CATSPERD: variants seen among roughly 807,000 people sequenced by gnomAD.
CATSPERD encodes the protein cation channel sperm-associated auxiliary subunit delta.
Under a neutral mutation model 98.1 loss-of-function variants are expected in CATSPERD, and 86 were observed. The ratio of observed to expected loss-of-function variants is 0.88; its 90% confidence interval spans 0.74 to 1.05. CATSPERD has a LOEUF of 1.05. Among genes scored for constraint, CATSPERD ranks in the 50% least tolerant of loss-of-function variants. CATSPERD has a pLI of 0.00. For missense variants in CATSPERD, 995 were observed against 1,005.7 expected (o/e 0.99, Z 0.14); for synonymous variants, 394 against 390.2 (o/e 1.01, Z -0.12).
chr19:5,759,044 G>A (rs2056382996), intron 14 of CATSPERD, 42 bp from the exon 15 acceptor site: 2 of 1,579,240 alleles, frequency 1.3e-6, no homozygotes, highest in South Asian at 1.1e-5. Context: ...TGCCCATGGT[G>A]TTCCACGGAT....
At chr19:5,773,210 G>T (rs2056683169) in intron 20 of CATSPERD, among the ~76,000 whole-genome samples, 1 of 152,132 alleles carries the variant, frequency 6.6e-6, no homozygotes, top group African/African-American at 2.4e-5. Flanking sequence ...AAATCAGTCG[G>T]GCATGGTGGC....
chr19:5,733,926 T>G lies in CATSPERD; in HGVS notation c.347T>G (p.Val116Gly). 1 of 1,610,856 alleles carries G rather than the reference T, an allele frequency of 6.2e-7. No individual in the cohort carries two copies. The highest frequency in any genetic ancestry group is 1.1e-5 in the South Asian group (1 of 90,344). The change falls in exon 5 of 22, where the codon GTC becomes GGC. Residue 116 changes from valine to glycine, a missense_variant. By Grantham distance (109) the Val-to-Gly change is moderately radical. Transcript: ENST00000381624. The part of the protein sequence containing the change: ...SLLLLVVDQK[V>G]YIYDYENNSW... The stretch of plus-strand genomic sequence containing the variant: ...TTGCTGTTAGTAGTGGATCAAAAAG[T>G]CTATATTTATGATTATGAAAATAAT...
At chr19:5,757,577 G>A (rs903725102) in intron 13 of CATSPERD, among the ~76,000 whole-genome samples, 17 of 150,090 alleles carry the variant, frequency 1.1e-4, no homozygotes, top group African/African-American at 3.4e-4. Context: ...AAGTACAGGC[G>A]TGAGCCACCG....
rs562037589 is a variant in CATSPERD, at chr19:5,745,479, G to A, written c.658-434G>A. ...GCTAAAAACACAAAAAAATTAGCCC[G>A]GCACGGTGTCAGGCACCTGTAATCA... On this transcript the variant is annotated intron_variant, in intron 8 of 21. Transcript: ENST00000381624. Among the ~76,000 whole-genome samples, 41 of 152,090 alleles carry A rather than the reference G, an allele frequency of 2.7e-4. 1 individual carries two copies. In the South Asian group the frequency reaches 6.6e-3, roughly 25 times the overall value.
intron 4 of CATSPERD, among the ~76,000 whole-genome samples, chr19:5,732,429 T>A (rs1295202530): frequency 6.7e-6 from 1 of 148,566 alleles, no homozygotes; most frequent in Non-Finnish European, 1.5e-5. Context: ...GTGTTTTTTG[T>A]TTGTTTGTTT....
chr19:5,770,430 C>CAAA (rs539340482), intron 18 of CATSPERD, among the ~76,000 whole-genome samples: 6 of 82,002 alleles, frequency 7.3e-5, no homozygotes, highest in South Asian at 3.9e-4. Flanking sequence ...AACTCCGTCT[C>CAAA]AAAAAAAAAA....
chr19:5,753,290 G>A (rs1317309604), intron 12 of CATSPERD, among the ~76,000 whole-genome samples: 3 of 152,074 alleles, frequency 2.0e-5, no homozygotes, highest in African/African-American at 7.2e-5. Context: ...GGCGGGCGCG[G>A]TGGCTCACGC....
intron 7 of CATSPERD, among the ~76,000 whole-genome samples, chr19:5,739,710 G>A (rs976779501): frequency 3.3e-5 from 5 of 151,724 alleles, no homozygotes; most frequent in East Asian, 1.9e-4. Context: ...GTGTGGTGGC[G>A]TGTGTTTTAG....
intron 20 of CATSPERD, chr19:5,775,318 A>T (rs1366957998): frequency 2.1e-6 from 1 of 470,752 alleles, no homozygotes; most frequent in Admixed American, 2.4e-5. Flanking sequence ...TCAAGCTTCC[A>T]CAGACCTGCG....
chr19:5,759,319 T>C (rs1242508520), intron 15 of CATSPERD, among the ~76,000 whole-genome samples, 175 bp downstream of exon 15: 2 of 151,850 alleles, frequency 1.3e-5, no homozygotes, highest in African/African-American at 4.8e-5. Flanking sequence ...CCCAGTACTT[T>C]GGGAGGCAGA....
chr19:5,776,315 G>C lies in CATSPERD; in HGVS notation c.2096G>C (p.Ser699Thr), dbSNP rs368004452. ...ATTTCGATCGTGGATCCGTACTACA[G>C]GTGAGTGGGCCCATCTGCCCCTACG... Reference protein sequence around the residue: ...FYISIVDPYYSYCQLETIFSI... With the variant: ...FYISIVDPYYTYCQLETIFSI... The change falls in exon 21 of 22, where the codon AGC becomes ACC. Residue 699 changes from serine (S) to threonine (T), a missense_variant and splice_region_variant. Transcript: ENST00000381624. 2 of 1,614,080 alleles carry C rather than the reference G, an allele frequency of 1.2e-6. No homozygotes were observed. Among genetic ancestry groups the C allele is most frequent in the African/African-American group, 2.7e-5 (2 of 75,056 alleles).
At chr19:5,758,773 C>T (rs2056376397) in intron 14 of CATSPERD, among the ~76,000 whole-genome samples, 1 of 149,964 alleles carries the variant, frequency 6.7e-6, no homozygotes, top group Non-Finnish European at 1.5e-5. Context: ...AAAAGGCAAA[C>T]ATTAGCCAGG....
intron 8 of CATSPERD, among the ~76,000 whole-genome samples, chr19:5,744,945 C>A (rs2056067050): frequency 6.6e-6 from 1 of 151,508 alleles, no homozygotes; most frequent in Non-Finnish European, 1.5e-5. Flanking sequence ...AGTATCTTTT[C>A]TTTTTTTATT....
chr19:5,769,008 G>T (rs566053122), intron 18 of CATSPERD, among the ~76,000 whole-genome samples: 1 of 152,000 alleles, frequency 6.6e-6, no homozygotes, highest in East Asian at 2.0e-4. Context: ...ACGAAAATTA[G>T]CCAGGCATGG....
intron 10 of CATSPERD, 35 bp downstream of exon 10, chr19:5,748,290 T>G (rs1298712748): frequency 6.3e-7 from 1 of 1,586,514 alleles, no homozygotes; most frequent in Middle Eastern, 1.7e-4. Flanking sequence ...CAAGAAATAT[T>G]TAGACCTGGC....
intron 15 of CATSPERD, among the ~76,000 whole-genome samples, chr19:5,761,900 T>C (rs1214708947): frequency 1.3e-5 from 2 of 149,736 alleles, no homozygotes; most frequent in Non-Finnish European, 3.0e-5. Context: ...TAATTTTTGT[T>C]GTTGTTGTTG....
In CATSPERD at chr19:5,772,829, A is replaced by G. The variant is rs2056675032; in HGVS notation, c.1805A>G (p.Tyr602Cys). The G allele has an allele frequency of 1.9e-6, 3 of 1,613,842 alleles. No individual in the cohort carries two copies. Among genetic ancestry groups the G allele is most frequent in the Admixed American group, 1.7e-5 (1 of 59,966 alleles). ...DSFQEVIDAE[Y>C]VLLEVNGQFS... ...TTCCAGGAGGTCATCGACGCCGAGTATGTGTTACTGGAGGTGAACGGGCAG... is the reference window on the plus strand; with the variant it reads ...TTCCAGGAGGTCATCGACGCCGAGTGTGTGTTACTGGAGGTGAACGGGCAG... Residue 602 changes from tyrosine (Y) to cysteine (C), a missense_variant, in exon 20 of 22, where the codon TAT (tyrosine) becomes TGT (cysteine). Tyr to Cys is a radical substitution (Grantham distance 194). Coordinates refer to ENST00000381624, the MANE Select transcript of CATSPERD (RefSeq NM_152784.4).
Position 5,726,894 on chromosome 19 carries a change from G to A in CATSPERD, c.127-374G>A, listed in dbSNP as rs576322366. On this transcript the variant is annotated intron_variant, in intron 2 of 21. Transcript: ENST00000381624. Reference sequence around the variant, plus strand: ...TCACCCTTTATGTTGATAATAGTGCGTATTAAAAATTATTTCTGGCCGGAC... The same window carrying A: ...TCACCCTTTATGTTGATAATAGTGCATATTAAAAATTATTTCTGGCCGGAC... Among the ~76,000 whole-genome samples the A allele has an allele frequency of 8.4e-4, 127 of 151,498 alleles. 1 individual carries two copies. Among genetic ancestry groups the A allele is most frequent in the African/African-American group, 2.7e-3 (113 of 41,362 alleles).
chr19:5,741,303 G>C (rs2055959399), intron 7 of CATSPERD, among the ~76,000 whole-genome samples: 1 of 152,108 alleles, frequency 6.6e-6, no homozygotes, highest in South Asian at 2.1e-4. Flanking sequence ...TTTTGCTGCT[G>C]TAACAAAATA....
Sources: allele counts gnomAD v4.1 joint callset (sites outside exome capture counted in the v4.1 genomes callset), GRCh38; gene constraint gnomAD v4.1.1; transcripts MANE v1.5; gene names NCBI Gene and HGNC (gene_info 2026-07-23, HGNC 2026-07-21).